FAT3: variants seen among roughly 807,000 people sequenced by gnomAD.
The protein encoded by FAT3 is FAT atypical cadherin 3, also known as protocadherin Fat 3.
In FAT3, 95 loss-of-function variants were observed where a neutral mutation model predicts 310.2. The observed-to-expected ratio is 0.31, with a 90% CI of 0.26 to 0.36. FAT3 has a LOEUF of 0.36. Among genes scored for constraint, FAT3 ranks in the 10% least tolerant of loss-of-function variants. The pLI is 1.00. For missense variants in FAT3, 5,408 were observed against 5,715.6 expected, an observed-to-expected ratio of 0.95 and a Z score of 1.74; for synonymous variants, 2,314 against 2,192.9, an observed-to-expected ratio of 1.06 and a Z score of -1.54.
intron 2 of FAT3, among the ~76,000 whole-genome samples, chr11:92,506,111 A>G (rs762822268): frequency 2.6e-5 from 4 of 152,146 alleles, no homozygotes; most frequent in Non-Finnish European, 4.4e-5. Context: ...AATTCCCCAT[A>G]AAACACACAG....
At chr11:92,690,453 C>A (rs905496877) in intron 3 of FAT3, among the ~76,000 whole-genome samples, 1 of 152,184 alleles carries the variant, frequency 6.6e-6, no homozygotes, top group Admixed American at 6.5e-5. Flanking sequence ...CTCAATTGAG[C>A]AATTCCAAGT....
intron 14 of FAT3, among the ~76,000 whole-genome samples, chr11:92,833,763 G>A (rs1243310137): frequency 6.6e-6 from 1 of 152,158 alleles, no homozygotes; most frequent in Non-Finnish European, 1.5e-5. Context: ...TTAAATATGT[G>A]TTGTCCCTAG....
intron 19 of FAT3, among the ~76,000 whole-genome samples, chr11:92,846,572 G>A (rs984319797): frequency 6.6e-6 from 1 of 152,168 alleles, no homozygotes; most frequent in African/African-American, 2.4e-5. Flanking sequence ...TTTAAAAGAA[G>A]GATTTAGAGG....
intron 13 of FAT3, among the ~76,000 whole-genome samples, chr11:92,830,537 T>G (rs781317199): frequency 3.9e-5 from 6 of 152,160 alleles, no homozygotes; most frequent in Non-Finnish European, 7.3e-5. Context: ...TTGCATGGCT[T>G]TGCATGACAT....
intron 3 of FAT3, among the ~76,000 whole-genome samples, chr11:92,670,559 C>A (rs1455410443): frequency 7.9e-5 from 12 of 152,164 alleles, no homozygotes; most frequent in Admixed American, 7.9e-4. Flanking sequence ...GTTGTGTTGA[C>A]ATATCAGGTA....
chr11:92,648,784 G>T (rs187769707), intron 3 of FAT3, among the ~76,000 whole-genome samples: 1 of 152,292 alleles, frequency 6.6e-6, no homozygotes, highest in East Asian at 1.9e-4. Flanking sequence ...TGACGGCCAT[G>T]CTCATTGCCT....
intron 3 of FAT3, among the ~76,000 whole-genome samples, chr11:92,603,772 T>C (rs1415045861): frequency 6.6e-6 from 1 of 152,190 alleles, no homozygotes; most frequent in African/African-American, 2.4e-5. Context: ...GTAACTAGCA[T>C]TGGAAATATA....
chr11:92,235,801 G>A (rs1359183668), intron 1 of FAT3, among the ~76,000 whole-genome samples: 1 of 152,172 alleles, frequency 6.6e-6, no homozygotes, highest in African/African-American at 2.4e-5. Flanking sequence ...GATCTTTCCT[G>A]TATGTTCTAA....
intron 1 of FAT3, among the ~76,000 whole-genome samples, chr11:92,258,360 G>A (rs967572313): frequency 6.6e-6 from 1 of 152,142 alleles, no homozygotes; most frequent in African/African-American, 2.4e-5. Flanking sequence ...AAAGGCAAGA[G>A]CTCCAAGGGA....
At chr11:92,249,800 G>C (rs1286211596) in intron 1 of FAT3, among the ~76,000 whole-genome samples, 1 of 152,112 alleles carries the variant, frequency 6.6e-6, no homozygotes, top group Non-Finnish European at 1.5e-5. Flanking sequence ...CTCTTGTGTT[G>C]CACCCATGAA....
At position 92,505,993 on chromosome 11, in the gene FAT3, C is replaced by T. The variant is rs143788950; in HGVS notation, c.3293-18641C>T. Among the ~76,000 whole-genome samples, 842 of 152,204 alleles carry T rather than the reference C, an allele frequency of 5.5e-3. 6 individuals carry two copies. The highest frequency in any genetic ancestry group is 0.02 in the African/African-American group (819 of 41,544). ...ACTATAAACACCATAATTAAGGTCA[C>T]GTGCAATGACATCTACTCCTCAGAA... On this transcript the variant is annotated intron_variant, in intron 2 of 27. Coordinates refer to ENST00000525166, the MANE Select transcript of FAT3 (RefSeq NM_001367949.2).
At chr11:92,764,824 C>G (rs3847524) in intron 5 of FAT3, 55 bp from the exon 6 acceptor site, 777,933 of 1,535,226 alleles carry the variant, frequency 0.51, 201,247 homozygotes, top group South Asian at 0.65. Context: ...CAGATCCAAA[C>G]TCTACAACAA....
At chr11:92,577,442 A>C (rs191567481) in intron 3 of FAT3, among the ~76,000 whole-genome samples, 5 of 152,162 alleles carry the variant, frequency 3.3e-5, no homozygotes. Context: ...TTTAATTGAC[A>C]AATAATAATT....
chr11:92,321,272 T>C (rs964335097), intron 1 of FAT3, among the ~76,000 whole-genome samples: 1 of 151,784 alleles, frequency 6.6e-6, no homozygotes, highest in African/African-American at 2.4e-5. Flanking sequence ...CCATCTCTAC[T>C]AAAAATACAA....
intron 4 of FAT3, among the ~76,000 whole-genome samples, chr11:92,716,193 C>T (rs909598043): frequency 6.6e-6 from 1 of 152,028 alleles, no homozygotes; most frequent in Non-Finnish European, 1.5e-5. Flanking sequence ...GATAAATGGG[C>T]AAAACTCAGT....
intron 1 of FAT3, among the ~76,000 whole-genome samples, chr11:92,237,066 T>A (rs1187170): frequency 5.9e-5 from 9 of 151,996 alleles, no homozygotes; most frequent in African/African-American, 2.2e-4. Flanking sequence ...TAAGGTAAGG[T>A]TGGCACAATT....
At chr11:92,233,715 GCAATTGAA>G (rs1489888130) in intron 1 of FAT3, among the ~76,000 whole-genome samples, 2 of 152,218 alleles carry the variant, frequency 1.3e-5, no homozygotes, top group East Asian at 3.9e-4. Context: ...GGCAATCTAG[GCAATTGAA>G]CAATTGAATG....
chr11:92,280,459 A>G (rs1297361747), intron 1 of FAT3, among the ~76,000 whole-genome samples: 3 of 152,206 alleles, frequency 2.0e-5, no homozygotes, highest in Non-Finnish European at 4.4e-5. Context: ...TTGAAAACAC[A>G]TATGTATTCC....
rs536040578 is a variant in FAT3 at position 92,716,179 on chromosome 11, C to G, written c.3669+18734C>G. Among the ~76,000 whole-genome samples, 8 of 152,128 alleles carry G rather than the reference C, an allele frequency of 5.3e-5. No individual in the cohort carries two copies. In the East Asian group the frequency reaches 1.4e-3, roughly 26 times the overall value. On this transcript the variant is annotated intron_variant, in intron 4 of 27. Coordinates refer to ENST00000525166, the MANE Select transcript of FAT3 (RefSeq NM_001367949.2). ...AGTGGTAGCAGTAAGATAAAAGATA[C>G]CTGGATAAATGGGCAAAACTCAGTG... is the stretch of plus-strand genomic sequence containing the variant.
Sources: allele counts gnomAD v4.1 joint callset (sites outside exome capture counted in the v4.1 genomes callset), GRCh38; gene constraint gnomAD v4.1.1; transcripts MANE v1.5; gene names NCBI Gene and HGNC (gene_info 2026-07-23, HGNC 2026-07-21).